Variants in RSAD1 observed in about 807,000 individuals in gnomAD.
The protein encoded by RSAD1 is radical S-adenosyl methionine domain-containing protein 1, mitochondrial.
Under a neutral mutation model 46.2 loss-of-function variants are expected in RSAD1, and 34 were observed. The ratio of observed to expected loss-of-function variants is 0.74; its 90% CI spans 0.56 to 0.98. The LOEUF (loss-of-function observed/expected upper bound fraction) is 0.98. Among genes scored for constraint, RSAD1 ranks in the 50% least tolerant of loss-of-function variants. The pLI is 0.00. For synonymous variants in RSAD1, 260 were observed against 253.5 expected (o/e 1.03, Z -0.24); for missense variants, 635 against 592.3 (o/e 1.07, Z -0.75).
In RSAD1 at chr17:50,483,393, C is replaced by T. The variant is rs757840883; in HGVS notation, c.958C>T (p.Arg320Trp). Residue 320 changes from arginine (R) to tryptophan (W), a missense_variant, in exon 6 of 9, where the codon CGG becomes TGG. Physicochemically the swap from Arg to Trp is moderately radical, Grantham distance 101. Transcript: ENST00000258955. ...GGCTGGAGGCCACACCCGGGAGGCT[C>T]GGATCCAGACACTGGAGCCTGACAA... is the stretch of plus-strand genomic sequence containing the variant. Reference protein sequence around the residue: ...QGAGGHTREARIQTLEPDNWM... With the variant: ...QGAGGHTREAWIQTLEPDNWM... 2.9e-5 allele frequency: 46 copies of T among 1,613,708 alleles called. No homozygotes were observed. Among genetic ancestry groups the T allele is most frequent in the South Asian group, 9.9e-5 (9 of 91,014 alleles).
Position 50,483,880 on chromosome 17 carries a change from A to G in RSAD1, c.1107+120A>G, listed in dbSNP as rs573102179. ...AATTTCTGTGAGATTGGCAGCTAGA[A>G]GTGGGGCCCAGGTCCAGCTGAGGCC... On this transcript the variant is annotated intron_variant, in intron 7 of 8. Coordinates refer to ENST00000258955, the MANE Select transcript of RSAD1 (RefSeq NM_018346.3). 45 of 969,922 alleles carry G rather than the reference A, an allele frequency of 4.6e-5. 1 individual carries two copies. The Admixed American group carries it at 1.1e-3, about 23-fold the overall frequency. The allele number at this position is 969,922 out of a possible 1,614,324, so 60.1% of individuals were successfully genotyped here. A position where few individuals can be genotyped will look rare whatever the true frequency, so the allele number is the denominator to read the frequency against.
intron 3 of RSAD1, among the ~76,000 whole-genome samples, chr17:50,481,593 T>C (rs1202153243): frequency 6.6e-6 from 1 of 152,250 alleles, no homozygotes; most frequent in Non-Finnish European, 1.5e-5. Flanking sequence ...GTTTATAATT[T>C]ACTGTTAAAT....
Position 50,478,951 on chromosome 17 carries a change from C to T in RSAD1, c.67C>T (p.Arg23Cys). The change falls in exon 1 of 9, where the codon CGC becomes TGC. Residue 23 changes from arginine to cysteine, a missense_variant. Coordinates refer to ENST00000258955, the MANE Select transcript of RSAD1 (RefSeq NM_018346.3). ...AGCCAGAGCGGCCCAGAGGCGCCGCCGCGTGGAGAACGCAGGAGGGTCCCC... is the reference window on the plus strand; with the variant it reads ...AGCCAGAGCGGCCCAGAGGCGCCGCTGCGTGGAGAACGCAGGAGGGTCCCC... ...AAARAAQRRR[R>C]VENAGGSPSP... 2 of 1,391,832 alleles carry T rather than the reference C, an allele frequency of 1.4e-6. No homozygotes were observed. The highest frequency in any genetic ancestry group is 3.0e-5 in the East Asian group (1 of 32,986). The allele number at this position is 1,391,832 out of a possible 1,614,324, so 86.2% of individuals were successfully genotyped here.
At chr17:50,482,909 T>A (rs1181985752) in intron 5 of RSAD1, among the ~76,000 whole-genome samples, 1 of 151,872 alleles carries the variant, frequency 6.6e-6, no homozygotes, top group Non-Finnish European at 1.5e-5. Context: ...GCCTTTAGTG[T>A]GTATGAGAAT....
chr17:50,482,715 C>A lies in RSAD1; in HGVS notation c.904+9C>A. 6.2e-7 allele frequency: 1 copy of A among 1,612,952 alleles called. No individual in the cohort carries two copies. Among genetic ancestry groups the A allele is most frequent in the South Asian group, 1.1e-5 (1 of 90,884 alleles). On this transcript the variant is annotated intron_variant, in intron 5 of 8. Coordinates refer to ENST00000258955, the MANE Select transcript of RSAD1 (RefSeq NM_018346.3). ...CCTTGGCGTTGGGCCTGGTGAGTCC[C>A]GTGAACTACAGAAAGGGTGACTCAG...
intron 7 of RSAD1, chr17:50,484,218 G>A: frequency 1.8e-6 from 1 of 549,006 alleles, no homozygotes; most frequent in Non-Finnish European, 3.3e-6. Context: ...AGGAGGCATA[G>A]AGGAAGGCCT....
chr17:50,484,773 C>A lies in RSAD1; in HGVS notation c.1241C>A (p.Ala414Asp). The A allele has an allele frequency of 6.2e-7, 1 of 1,614,068 alleles. No homozygotes were observed. Among genetic ancestry groups the A allele is most frequent in the Non-Finnish European group, 8.5e-7 (1 of 1,179,972 alleles). ...RGLRCSWEGLAVLDSLLLTLL... is the reference protein window; with the variant it reads ...RGLRCSWEGLDVLDSLLLTLL... Reference sequence around the variant, plus strand: ...CTTCGGTGTTCCTGGGAGGGTCTGGCTGTGCTGGACTCTCTCTTGCTGACC... The same window carrying A: ...CTTCGGTGTTCCTGGGAGGGTCTGGATGTGCTGGACTCTCTCTTGCTGACC... The change falls in exon 9 of 9, where the codon GCT becomes GAT. Residue 414 changes from alanine (A) to aspartate (D), a missense_variant. Coordinates refer to ENST00000258955, the MANE Select transcript of RSAD1 (RefSeq NM_018346.3).
In RSAD1 at chr17:50,483,653, A is replaced by G. The variant is rs138908839; in HGVS notation, c.1053-53A>G. ...TGCATCCCAGTGTAGAATTTGGAGA[A>G]TGGGAGGAGCACAGGCCTCCTCTCT... is the stretch of plus-strand genomic sequence containing the variant. On this transcript the variant is annotated intron_variant, in intron 6 of 8. Coordinates refer to ENST00000258955, the MANE Select transcript of RSAD1 (RefSeq NM_018346.3). The G allele has an allele frequency of 1.9e-4, 309 of 1,605,930 alleles. 1 individual carries two copies. The African/African-American group carries it at 3.8e-3, about 20-fold the overall frequency.
intron 5 of RSAD1, among the ~76,000 whole-genome samples, chr17:50,483,082 T>TAATCTGAGCTACTTGGG (rs1329939357): frequency 7.0e-6 from 1 of 141,942 alleles, no homozygotes; most frequent in African/African-American, 2.7e-5. Flanking sequence ...CATGTGCCTC[T>TAATCTGAGCTACTTGGG]AATCTGAGCT....
In RSAD1 at chr17:50,482,099, T is replaced by C. The variant is rs749203004; in HGVS notation, c.483T>C (p.Asp161=). Residue 161 remains aspartate (D), a synonymous_variant, in exon 4 of 9, where the codon GAT becomes GAC. Transcript: ENST00000258955. ...CCACCCTCTTTTCCCAGTCCCTAGA[T>C]GACACTGAGCTCCGGCTGTTGGGAC... The part of the protein sequence containing the change: ...NRLSIGLQSL[D]DTELRLLGRT... 4 of 1,564,352 alleles carry C rather than the reference T, an allele frequency of 2.6e-6. No individual in the cohort carries two copies. Among genetic ancestry groups the C allele is most frequent in the South Asian group, 1.2e-5 (1 of 84,724 alleles).
chr17:50,485,760 G>C lies in RSAD1; in HGVS notation c.*899G>C, dbSNP rs950771806. The stretch of plus-strand genomic sequence containing the variant: ...CTTCGGGAAACCAGAATATGTTTGG[G>C]GTGGTAGGAGCCACACAGACTCTTC... On this transcript the variant is annotated 3_prime_UTR_variant, in exon 9 of 9. Coordinates refer to ENST00000258955, the MANE Select transcript of RSAD1 (RefSeq NM_018346.3). 1 of 152,272 alleles carries C rather than the reference G, an allele frequency of 6.6e-6. No homozygotes were observed. The highest frequency in any genetic ancestry group is 2.4e-5 in the African/African-American group (1 of 41,438). 9.4% of individuals were successfully genotyped at this position (152,272 alleles called of 1,614,324 possible).
chr17:50,483,322 G>T lies in RSAD1; in HGVS notation c.905-18G>T. 6.2e-7 allele frequency: 1 copy of T among 1,611,496 alleles called. No homozygotes were observed. The highest frequency in any genetic ancestry group is 1.3e-5 in the African/African-American group (1 of 74,982). On this transcript the variant is annotated intron_variant, in intron 5 of 8. Transcript: ENST00000258955. ...TATTAACAGCCATTAATGTGGGGAT[G>T]GTTGTTGATGTTGTCAGGGGCCCAT...
In RSAD1 at chr17:50,484,741, C is replaced by T. The variant is rs998121167; in HGVS notation, c.1212-3C>T. On this transcript the variant is annotated splice_region_variant and splice_polypyrimidine_tract_variant and intron_variant, in intron 8 of 8. Transcript: ENST00000258955. The stretch of plus-strand genomic sequence containing the variant: ...GTCACCTTCAGGCCTCTTGGTTTTC[C>T]AGGGGTCTTCGGTGTTCCTGGGAGG... The T allele has an allele frequency of 5.6e-6, 9 of 1,612,238 alleles. No homozygotes were observed. Among genetic ancestry groups the T allele is most frequent in the Middle Eastern group, 3.3e-4 (2 of 6,048 alleles).
chr17:50,479,356 A>G, intron 1 of RSAD1: 1 of 496,814 alleles, frequency 2.0e-6, no homozygotes. Context: ...TGAAAATTAT[A>G]TGATCCCAGA....
chr17:50,479,516 T>C (rs1009210626), intron 1 of RSAD1, 113 bp from the exon 2 acceptor site: 28 of 1,368,440 alleles, frequency 2.0e-5, no homozygotes, highest in Admixed American at 8.0e-5. Context: ...ATGTCCTAGC[T>C]ACTGTGGAAA....
At position 50,485,117 on chromosome 17, in the gene RSAD1, A is replaced by G. The variant is rs902910230; in HGVS notation, c.*256A>G. 15 of 496,348 alleles carry G rather than the reference A, an allele frequency of 3.0e-5. No homozygotes were observed. Among genetic ancestry groups the G allele is most frequent in the Non-Finnish European group, 5.0e-5 (14 of 278,282 alleles). The allele number at this position is 496,348 out of a possible 1,614,324, so 30.7% of individuals were successfully genotyped here. ...TGGCTGGGAATTGCCTACCACCCAC[A>G]TCAGCTTCTGTTTACCTTTTTGGCA... On this transcript the variant is annotated 3_prime_UTR_variant, in exon 9 of 9. Coordinates refer to ENST00000258955, the MANE Select transcript of RSAD1 (RefSeq NM_018346.3).
At position 50,483,326 on chromosome 17, in the gene RSAD1, G is replaced by T; in HGVS notation, c.905-14G>T. On this transcript the variant is annotated splice_polypyrimidine_tract_variant and intron_variant, in intron 5 of 8. Coordinates refer to ENST00000258955, the MANE Select transcript of RSAD1 (RefSeq NM_018346.3). Reference sequence around the variant, plus strand: ...AACAGCCATTAATGTGGGGATGGTTGTTGATGTTGTCAGGGGCCCATGGAC... The same window carrying T: ...AACAGCCATTAATGTGGGGATGGTTTTTGATGTTGTCAGGGGCCCATGGAC... 6.2e-7 allele frequency: 1 copy of T among 1,612,470 alleles called. No individual in the cohort carries two copies. The highest frequency in any genetic ancestry group is 8.5e-7 in the Non-Finnish European group (1 of 1,179,020).
In RSAD1 at chr17:50,478,867, C is replaced by CGCT; in HGVS notation, c.-16_-15insTGC. 7.9e-7 allele frequency: 1 copy of CGCT among 1,264,638 alleles called. No homozygotes were observed. The highest frequency in any genetic ancestry group is 2.9e-5 in the South Asian group (1 of 34,396). 78.3% of individuals were successfully genotyped at this position (1,264,638 alleles called of 1,614,324 possible). On this transcript the variant is annotated 5_prime_UTR_variant, in exon 1 of 9. Transcript: ENST00000258955. Reference sequence around the variant, plus strand: ...GCGTCTCCTGCTCGGGTCAGTGCGCCGCGCTGCGCTGGGCGCCATGGCGCT... The same window carrying CGCT: ...GCGTCTCCTGCTCGGGTCAGTGCGCCGCTGCGCTGCGCTGGGCGCCATGGCGCT...
chr17:50,479,509 T>C, intron 1 of RSAD1, 120 bp from the exon 2 acceptor site: 1 of 1,275,606 alleles, frequency 7.8e-7, no homozygotes, highest in Non-Finnish European at 1.1e-6. Flanking sequence ...GGCTTAGATG[T>C]CCTAGCTACT....
Sources: allele counts gnomAD v4.1 joint callset (sites outside exome capture counted in the v4.1 genomes callset), GRCh38; gene constraint gnomAD v4.1.1; transcripts MANE v1.5; gene names NCBI Gene and HGNC (gene_info 2026-07-23, HGNC 2026-07-21).